The following ITSN1 variants were observed in gnomAD, a reference collection of about 807,000 sequenced individuals.
ITSN1 encodes intersectin 1.
ITSN1 carries 58 observed loss-of-function variants against 239.8 expected under a neutral mutation model. The observed-to-expected ratio is 0.24, with a 90% CI of 0.20 to 0.30. ITSN1 has a LOEUF of 0.30. Ranked by LOEUF, ITSN1 falls within the 10% of genes least tolerant of loss-of-function variation. ITSN1 has a pLI of 1.00. For synonymous variants in ITSN1, 780 were observed against 770.8 expected (o/e 1.01, Z -0.20); for missense variants, 1,558 against 2,103.3 (o/e 0.74, Z 5.07).
At chr21:33,657,951 A>G (rs2089230361) in intron 1 of ITSN1, among the ~76,000 whole-genome samples, 1 of 152,028 alleles carries the variant, frequency 6.6e-6, no homozygotes, top group Non-Finnish European at 1.5e-5. Context: ...GTGCCAGTGC[A>G]CTCCAGCCTG....
At chr21:33,842,186 C>T (rs1488479756) in intron 29 of ITSN1, among the ~76,000 whole-genome samples, 2 of 151,890 alleles carry the variant, frequency 1.3e-5, no homozygotes, top group Non-Finnish European at 2.9e-5. Context: ...TGAGCCACCG[C>T]GCCCGGCCAC....
At chr21:33,725,172 G>C (rs2065755676) in intron 4 of ITSN1, among the ~76,000 whole-genome samples, 2 of 78,570 alleles carry the variant, frequency 2.5e-5, no homozygotes, top group Non-Finnish European at 4.8e-5. Context: ...TTTTGCCCTT[G>C]TTGTCCAGGC....
chr21:33,663,880 C>T (rs1223063820), intron 1 of ITSN1, among the ~76,000 whole-genome samples: 2 of 152,150 alleles, frequency 1.3e-5, no homozygotes, highest in Admixed American at 6.5e-5. Context: ...GGATTACGGG[C>T]GTGAGCCACC....
At position 33,836,591 on chromosome 21, in the gene ITSN1, A is replaced by T; in HGVS notation, c.3620A>T (p.Asn1207Ile). Residue 1207 changes from asparagine to isoleucine, a missense_variant, in exon 29 of 40, where the codon AAT (asparagine) becomes ATT (isoleucine). By Grantham distance (149) the Asn-to-Ile change is moderately radical. Around this residue, in one of 2 missense-constraint regions of ITSN1, gnomAD observed 576 missense variants for 893.3 expected, o/e 0.64. Transcript: ENST00000381318. ...GGACAAGTGGGGCTCTTCCCATCCA[A>T]TTATGTGAAGCTGACCACAGACATG... is the stretch of plus-strand genomic sequence containing the variant. ...VNGQVGLFPS[N>I]YVKLTTDMDP... is the part of the protein sequence containing the mutation. 1.2e-6 allele frequency: 2 copies of T among 1,614,124 alleles called. No individual in the cohort carries two copies. The highest frequency in any genetic ancestry group is 1.7e-6 in the Non-Finnish European group (2 of 1,180,008).
chr21:33,885,210 A>G, intron 37 of ITSN1, 87 bp downstream of exon 37: 1 of 1,208,840 alleles, frequency 8.3e-7, no homozygotes, highest in Non-Finnish European at 1.2e-6. Context: ...GAATAGAAGA[A>G]TCCCCTGGAC....
In ITSN1 at chr21:33,657,411, C is replaced by T. The variant is rs140956107; in HGVS notation, c.-33+14698C>T. Among the ~76,000 whole-genome samples the T allele has an allele frequency of 3.3e-4, 50 of 152,310 alleles. 1 individual carries two copies. Among genetic ancestry groups the T allele is most frequent in the Admixed American group, 2.0e-4 (3 of 15,290 alleles). On this transcript the variant is annotated intron_variant, in intron 1 of 39. Coordinates refer to ENST00000381318, the MANE Select transcript of ITSN1 (RefSeq NM_003024.3). ...ATTTCCTTGCCCTGTTGCTCTGTTACATTTAGGACTTCCCAATTCCCTTTG... is the reference window on the plus strand; with the variant it reads ...ATTTCCTTGCCCTGTTGCTCTGTTATATTTAGGACTTCCCAATTCCCTTTG...
Position 33,873,124 on chromosome 21 carries a change from C to T in ITSN1, c.4174-2230C>T, listed in dbSNP as rs116256543. On this transcript the variant is annotated intron_variant, in intron 33 of 39. Transcript: ENST00000381318. ...CTCAGATTTTCCAAAAGGATTCTAA[C>T]GTACAGTCAGGATTGGCCCAGAGGT... Among the ~76,000 whole-genome samples the T allele has an allele frequency of 6.9e-3, 1,045 of 152,290 alleles. 11 individuals are homozygous for T. Among genetic ancestry groups the T allele is most frequent in the South Asian group, 0.027 (128 of 4,824 alleles).
At position 33,882,333 on chromosome 21, in the gene ITSN1, C is replaced by T; in HGVS notation, c.4432C>T (p.Leu1478=). The change falls in exon 35 of 40, where the codon CTG becomes TTG. Residue 1478 remains leucine (L), a synonymous_variant. Coordinates refer to ENST00000381318, the MANE Select transcript of ITSN1 (RefSeq NM_003024.3). This position sits in a 1 kb window ranked among gnomAD's most constrained non-coding sequence, Gnocchi z 4.5. ...CTACAAGGCCAAGAGCAACAAGGAG[C>T]TGTATGGCTTCCTTTTCAACGACTT... is the stretch of plus-strand genomic sequence containing the variant. ...KLYKAKSNKE[L]YGFLFNDFLL... is the part of the protein sequence containing the mutation. 6.2e-7 allele frequency: 1 copy of T among 1,614,208 alleles called. No homozygotes were observed. The highest frequency in any genetic ancestry group is 8.5e-7 in the Non-Finnish European group (1 of 1,180,036).
rs1362159924 is a variant in ITSN1, at chr21:33,851,075, T to C, written c.3662-5661T>C. ...GAAAGCCATCGCCCGGGCTTGCTTATTGCTCTCTCTCCTGGTCCTTCCACA... is the reference window on the plus strand; with the variant it reads ...GAAAGCCATCGCCCGGGCTTGCTTACTGCTCTCTCTCCTGGTCCTTCCACA... On this transcript the variant is annotated intron_variant, in intron 29 of 39. Transcript: ENST00000381318. 2.0e-5 allele frequency among the ~76,000 whole-genome samples: 3 copies of C among 152,214 alleles called. No individual in the cohort carries two copies. The East Asian group carries it at 5.8e-4, about 29-fold the overall frequency.
intron 1 of ITSN1, among the ~76,000 whole-genome samples, chr21:33,697,081 T>C (rs756167994): frequency 4.0e-5 from 6 of 151,636 alleles, no homozygotes; most frequent in Non-Finnish European, 8.8e-5. Context: ...ACTTTTAGAT[T>C]GTCTCTTTTT....
intron 24 of ITSN1, among the ~76,000 whole-genome samples, chr21:33,820,410 A>G (rs186133998): frequency 6.6e-6 from 1 of 152,252 alleles, no homozygotes; most frequent in African/African-American, 2.4e-5. Flanking sequence ...AACCAATTCT[A>G]TAGTAATTCT....
intron 24 of ITSN1, among the ~76,000 whole-genome samples, chr21:33,821,715 C>T (rs1212174672): frequency 6.6e-6 from 1 of 152,158 alleles, no homozygotes; most frequent in African/African-American, 2.4e-5. Context: ...CAAGTTCAGC[C>T]AGAGTTCATG....
intron 24 of ITSN1, among the ~76,000 whole-genome samples, chr21:33,822,052 CAG>C (rs752173790): frequency 3.3e-5 from 5 of 152,228 alleles, no homozygotes; most frequent in East Asian, 1.9e-4. Flanking sequence ...GGGCTAAAGA[CAG>C]AGAGTCTTCT....
chr21:33,860,315 G>GAA (rs537916792), intron 31 of ITSN1, among the ~76,000 whole-genome samples: 92 of 70,318 alleles, frequency 1.3e-3, no homozygotes, highest in Middle Eastern at 7.7e-3. Flanking sequence ...CTCAAAAAAA[G>GAA]AAAAAAAAAA....
chr21:33,691,535 G>A (rs537244532), intron 1 of ITSN1, among the ~76,000 whole-genome samples: 1 of 152,294 alleles, frequency 6.6e-6, no homozygotes, highest in African/African-American at 2.4e-5. Context: ...CAGTCAAGTA[G>A]CAGAATATGG....
intron 5 of ITSN1, among the ~76,000 whole-genome samples, chr21:33,739,768 G>A (rs1394023047): frequency 6.6e-6 from 1 of 152,176 alleles, no homozygotes; most frequent in Non-Finnish European, 1.5e-5. Flanking sequence ...GAAGGTGTGC[G>A]AGGGGCGTCG....
chr21:33,865,088 G>A lies in ITSN1; in HGVS notation c.3891-63G>A. ...CACATTCTGTTTCTGTGCAACCTAA[G>A]TGTGCTGTGGTGCTGTCAGATAGCG... On this transcript the variant is annotated intron_variant, in intron 31 of 39. Transcript: ENST00000381318. This position sits in a 1 kb window ranked among gnomAD's most constrained non-coding sequence, Gnocchi z 4.4. 1.3e-6 allele frequency: 2 copies of A among 1,512,604 alleles called. No individual in the cohort carries two copies. Among genetic ancestry groups the A allele is most frequent in the South Asian group, 1.3e-5 (1 of 77,710 alleles). The allele number at this position is 1,512,604 out of a possible 1,614,324, so 93.7% of individuals were successfully genotyped here.
intron 9 of ITSN1, among the ~76,000 whole-genome samples, chr21:33,764,218 G>T (rs2068562445): frequency 6.6e-6 from 1 of 152,000 alleles, no homozygotes; most frequent in African/African-American, 2.4e-5. Flanking sequence ...TGAGAAAAAC[G>T]CTTGAGGCTT....
At chr21:33,710,831 G>T (rs2092394314) in intron 1 of ITSN1, among the ~76,000 whole-genome samples, 1 of 150,034 alleles carries the variant, frequency 6.7e-6, no homozygotes, top group South Asian at 2.1e-4. Context: ...TTTTGAGACG[G>T]AGTCTTGCTC....
Sources: gnomAD v4.1 joint callset for allele counts (sites outside exome capture counted in the v4.1 genomes callset) on GRCh38, gnomAD v4.1.1 for gene constraint, gnomAD v4.1.1 regional missense constraint, Gnocchi (gnomAD v3.1) non-coding constraint, MANE v1.5 for transcripts, NCBI Gene and HGNC (gene_info 2026-07-23, HGNC 2026-07-21) for gene names.